Variants in ADGRL3 observed in about 807,000 individuals in gnomAD.
ADGRL3 encodes the protein calcium-independent alpha-latrotoxin receptor 3.
Under a neutral mutation model 153.5 loss-of-function variants are expected in ADGRL3, and 62 were observed. The observed-to-expected ratio is 0.40, with a 90% CI of 0.33 to 0.50. The LOEUF is 0.50. ADGRL3 is among the 20% of genes least tolerant of loss of function. The pLI, the probability that ADGRL3 is intolerant of heterozygous loss-of-function variation, is 0.47. For missense variants in ADGRL3, 1,641 were observed against 1,859.4 expected (o/e 0.88, Z 2.16); for synonymous variants, 710 against 672.5 (o/e 1.06, Z -0.86).
At chr4:61,677,222 G>A in intron 6 of ADGRL3, 1 of 329,720 alleles carries the variant, frequency 3.0e-6, no homozygotes, top group South Asian at 3.1e-5. Flanking sequence ...AAAGGTTGGG[G>A]GAGTGTTATA....
At chr4:61,518,170 ATTTTATT>A (rs2098509113) in intron 4 of ADGRL3, among the ~76,000 whole-genome samples, 1 of 152,130 alleles carries the variant, frequency 6.6e-6, no homozygotes, top group African/African-American at 2.4e-5. Flanking sequence ...AACACTTTAC[ATTTTATT>A]TTTTATTTAC....
chr4:61,814,015 G>T (rs2097660190), intron 9 of ADGRL3, 126 bp downstream of exon 9: 1 of 1,157,974 alleles, frequency 8.6e-7, no homozygotes, highest in South Asian at 1.6e-5. Flanking sequence ...TGAAGTATGT[G>T]AGTAATCTGG....
chr4:62,003,235 G>A (rs867102213), intron 21 of ADGRL3, among the ~76,000 whole-genome samples: 4 of 152,042 alleles, frequency 2.6e-5, no homozygotes, highest in Non-Finnish European at 4.4e-5. Flanking sequence ...TGATGTCACC[G>A]GGTCATGTTT....
chr4:61,866,842 A>G (rs1264663117), intron 9 of ADGRL3, among the ~76,000 whole-genome samples: 6 of 152,170 alleles, frequency 3.9e-5, no homozygotes, highest in Admixed American at 2.6e-4. Flanking sequence ...TGTCACATCA[A>G]TCAATCCTCC....
intron 9 of ADGRL3, among the ~76,000 whole-genome samples, chr4:61,868,925 C>T (rs1489712662): frequency 1.3e-5 from 2 of 152,088 alleles, no homozygotes; most frequent in Non-Finnish European, 2.9e-5. Flanking sequence ...CAAGATCTAC[C>T]TCAAAGGTAA....
chr4:61,934,413 T>C (rs1300457475), intron 13 of ADGRL3, among the ~76,000 whole-genome samples: 1 of 152,200 alleles, frequency 6.6e-6, no homozygotes, highest in Non-Finnish European at 1.5e-5. Flanking sequence ...GGTCATCCTT[T>C]TAATCTCTGT....
chr4:61,753,245 A>AC (rs2096779384), intron 8 of ADGRL3, among the ~76,000 whole-genome samples: 1 of 148,834 alleles, frequency 6.7e-6, no homozygotes, highest in Non-Finnish European at 1.5e-5. Flanking sequence ...AAAAAAAAAA[A>AC]CAAAGATGAA....
At chr4:61,421,637 G>A (rs1388242077) in intron 2 of ADGRL3, among the ~76,000 whole-genome samples, 1 of 151,988 alleles carries the variant, frequency 6.6e-6, no homozygotes, top group Non-Finnish European at 1.5e-5. Flanking sequence ...ATTTCAACAT[G>A]ATTTAATTTT....
chr4:61,582,904 C>T (rs1452033532), intron 4 of ADGRL3, among the ~76,000 whole-genome samples: 3 of 151,956 alleles, frequency 2.0e-5, no homozygotes, highest in South Asian at 2.1e-4. Flanking sequence ...TCTTCTCTTA[C>T]TCTAGAAACA....
chr4:61,341,014 A>C (rs1201504597), intron 1 of ADGRL3, among the ~76,000 whole-genome samples: 2 of 152,004 alleles, frequency 1.3e-5, no homozygotes, highest in Non-Finnish European at 2.9e-5. Context: ...AACTAAGAGA[A>C]TGTATCAGTA....
intron 1 of ADGRL3, among the ~76,000 whole-genome samples, chr4:61,359,171 C>G (rs1045523032): frequency 1.3e-5 from 2 of 152,164 alleles, no homozygotes; most frequent in African/African-American, 2.4e-5. Context: ...ACTGCTTATG[C>G]TGCTGATACT....
intron 1 of ADGRL3, among the ~76,000 whole-genome samples, chr4:61,296,363 G>A (rs1450725466): frequency 6.6e-6 from 1 of 152,086 alleles, no homozygotes; most frequent in East Asian, 1.9e-4. Context: ...TGAAAGTCTG[G>A]GGATGGGAAC....
intron 1 of ADGRL3, among the ~76,000 whole-genome samples, chr4:61,306,090 T>TATTA (rs574269776): frequency 1.3e-5 from 2 of 151,918 alleles, no homozygotes; most frequent in South Asian, 4.2e-4. Flanking sequence ...ATTTATTTTT[T>TATTA]ATTAATTAAT....
chr4:61,545,876 AAAACAAAC>A (rs139949535), intron 4 of ADGRL3, among the ~76,000 whole-genome samples: 70,614 of 151,300 alleles, frequency 0.47, 18,801 homozygotes, highest in East Asian at 0.76. Flanking sequence ...TCTTATAACC[AAAACAAAC>A]AAACAAACAA....
chr4:61,451,517 T>G (rs1306840860), intron 2 of ADGRL3, among the ~76,000 whole-genome samples: 1 of 152,148 alleles, frequency 6.6e-6, no homozygotes, highest in African/African-American at 2.4e-5. Flanking sequence ...ATAAATAGTT[T>G]ACTTATTAAT....
chr4:61,284,153 A>G (rs2093832784), intron 1 of ADGRL3, among the ~76,000 whole-genome samples: 2 of 151,960 alleles, frequency 1.3e-5, no homozygotes, highest in South Asian at 4.1e-4. Context: ...AACTCCAGAT[A>G]CCTTACAAAC....
chr4:61,726,329 G>T (rs1028580646), intron 6 of ADGRL3, among the ~76,000 whole-genome samples: 3 of 151,266 alleles, frequency 2.0e-5, no homozygotes, highest in Admixed American at 6.6e-5. Flanking sequence ...CTCCCGAGTT[G>T]CTGGGATTAC....
chr4:61,872,195 T>C (rs2098449521), intron 9 of ADGRL3, among the ~76,000 whole-genome samples: 1 of 152,082 alleles, frequency 6.6e-6, no homozygotes. Context: ...GGCTGGATCA[T>C]AGTGTGTGTC....
intron 1 of ADGRL3, among the ~76,000 whole-genome samples, chr4:61,352,038 C>T (rs568623986): frequency 3.5e-4 from 53 of 152,044 alleles, no homozygotes; most frequent in Non-Finnish European, 5.7e-4. Context: ...AAGGATTTAC[C>T]ATTCTAGATG....
Sources: gnomAD v4.1 joint callset for allele counts (sites outside exome capture counted in the v4.1 genomes callset) on GRCh38, gnomAD v4.1.1 for gene constraint, MANE v1.5 for transcripts, NCBI Gene and HGNC (gene_info 2026-07-23, HGNC 2026-07-21) for gene names.